The following THEMIS variants were observed in gnomAD, a reference collection of about 807,000 sequenced individuals.
THEMIS encodes thymocyte selection associated.
Under a neutral mutation model 52.6 loss-of-function variants are expected in THEMIS, and 37 were observed. The observed-to-expected ratio is 0.70, with a 90% CI of 0.54 to 0.93. THEMIS has a LOEUF of 0.93. Ranked by LOEUF, THEMIS falls within the 40% of genes least tolerant of loss-of-function variation. The probability of loss-of-function intolerance (pLI) is 0.00; values close to 1 mark genes in which losing one functional copy is unlikely to be tolerated. For missense variants in THEMIS, 808 were observed against 763.1 expected (o/e 1.06, Z -0.69); for synonymous variants, 292 against 272.7 (o/e 1.07, Z -0.70).
intron 1 of THEMIS, among the ~76,000 whole-genome samples, chr6:127,881,997 C>CAAAA (rs5879865): frequency 8.5e-6 from 1 of 118,192 alleles, no homozygotes; most frequent in Non-Finnish European, 1.9e-5. Flanking sequence ...TCTTATACAG[C>CAAAA]AAAAAAAAAA....
intron 3 of THEMIS, 73 bp from the exon 4 acceptor site, chr6:127,814,004 C>A: frequency 8.2e-7 from 1 of 1,213,888 alleles, no homozygotes; most frequent in East Asian, 2.5e-5. Flanking sequence ...TCTCCTGATG[C>A]CATAAATAAA....
At chr6:127,830,453 AG>A (rs993471832) in intron 2 of THEMIS, among the ~76,000 whole-genome samples, 2 of 152,120 alleles carry the variant, frequency 1.3e-5, no homozygotes, top group Non-Finnish European at 2.9e-5. Flanking sequence ...TGGGAGGCTG[AG>A]GTGGGAGGGT....
At chr6:127,700,372 A>G in the THEMIS span, among the ~76,000 whole-genome samples, 1 of 151,408 alleles carries the variant, frequency 6.6e-6, no homozygotes, top group African/African-American at 2.4e-5. Flanking sequence ...GAATGCACAA[A>G]AACAAAAAAA....
At chr6:127,814,207 C>A (rs985577671) in intron 3 of THEMIS, among the ~76,000 whole-genome samples, 8 of 152,208 alleles carry the variant, frequency 5.3e-5, no homozygotes, top group Non-Finnish European at 1.2e-4. Flanking sequence ...CATATCCTCA[C>A]TTCTACTGAC....
Position 127,883,555 on chromosome 6 carries a change from A to G in THEMIS, c.91+17287T>C, listed in dbSNP as rs554979942. On this transcript the variant is annotated intron_variant, in intron 1 of 5. Transcript: ENST00000368248. ...TTATGTATAGACATACACATATAAA[A>G]TATATATACAGACTCCCATACTTGG... Among the ~76,000 whole-genome samples, 8 of 152,126 alleles carry G rather than the reference A, an allele frequency of 5.3e-5. No individual in the cohort carries two copies. The South Asian group carries it at 1.7e-3, about 31-fold the overall frequency.
At chr6:127,867,982 T>C (rs1780036313) in intron 1 of THEMIS, among the ~76,000 whole-genome samples, 1 of 151,922 alleles carries the variant, frequency 6.6e-6, no homozygotes, top group Admixed American at 6.6e-5. Flanking sequence ...ATTTAACTAG[T>C]TAAAAGTCAC....
At chr6:127,814,014 A>G (rs1778041157) in intron 3 of THEMIS, 83 bp from the exon 4 acceptor site, 1 of 1,175,674 alleles carries the variant, frequency 8.5e-7, no homozygotes, top group Non-Finnish European at 1.2e-6. Context: ...CCATAAATAA[A>G]TTTCTTTTAC....
At chr6:127,788,254 C>T (rs1218380072) in intron 4 of THEMIS, among the ~76,000 whole-genome samples, 1 of 152,160 alleles carries the variant, frequency 6.6e-6, no homozygotes, top group East Asian at 1.9e-4. Context: ...ACCAAGTTTG[C>T]CAGTGGTCTT....
intron 4 of THEMIS, among the ~76,000 whole-genome samples, chr6:127,727,007 A>T (rs943043664): frequency 1.3e-5 from 2 of 152,164 alleles, no homozygotes; most frequent in Non-Finnish European, 2.9e-5. Flanking sequence ...ACTCTCAAAG[A>T]TGTCAGCCTT....
intron 1 of THEMIS, among the ~76,000 whole-genome samples, chr6:127,880,396 T>TAC (rs1780445273): frequency 6.6e-6 from 1 of 151,786 alleles, no homozygotes. Flanking sequence ...TAAATATATA[T>TAC]GCTGTGTTTA....
chr6:127,832,975 G>A (rs193287558), intron 2 of THEMIS, among the ~76,000 whole-genome samples: 60 of 151,596 alleles, frequency 4.0e-4, no homozygotes, highest in African/African-American at 1.4e-3. Context: ...ATAGAGACAG[G>A]GTTTCGCCAT....
At chr6:127,769,593 T>C (rs1441057329) in intron 4 of THEMIS, among the ~76,000 whole-genome samples, 4 of 152,020 alleles carry the variant, frequency 2.6e-5, no homozygotes, top group Admixed American at 2.6e-4. Flanking sequence ...TTCTGCTCCA[T>C]TAGACAAAGG....
At chr6:127,838,070 G>A (rs1778929567) in intron 2 of THEMIS, among the ~76,000 whole-genome samples, 1 of 152,036 alleles carries the variant, frequency 6.6e-6, no homozygotes, top group Admixed American at 6.6e-5. Context: ...TCTTTTCTCA[G>A]CACAGTACTG....
At chr6:127,785,478 T>TAA (rs71543125) in intron 4 of THEMIS, among the ~76,000 whole-genome samples, 2 of 143,632 alleles carry the variant, frequency 1.4e-5, no homozygotes, top group Non-Finnish European at 3.1e-5. Flanking sequence ...TAATAAAATT[T>TAA]AAAAAAAAAA....
At chr6:127,790,699 C>T (rs1435426410) in intron 4 of THEMIS, among the ~76,000 whole-genome samples, 1 of 152,224 alleles carries the variant, frequency 6.6e-6, no homozygotes, top group Admixed American at 6.5e-5. Context: ...GCAGCCTGAA[C>T]TCAGCTTGCG....
At chr6:127,818,543 A>G (rs1217410764) in intron 3 of THEMIS, among the ~76,000 whole-genome samples, 2 of 151,600 alleles carry the variant, frequency 1.3e-5, no homozygotes, top group African/African-American at 4.8e-5. Context: ...AAGACAATTT[A>G]TCACAGTTTA....
intron 1 of THEMIS, among the ~76,000 whole-genome samples, chr6:127,860,759 G>C (rs2114330317): frequency 6.6e-6 from 1 of 152,260 alleles, no homozygotes; most frequent in East Asian, 1.9e-4. Context: ...GTCACTCTGA[G>C]TGATGTGTAA....
At chr6:127,909,435 G>T (rs867493750) in intron 1 of THEMIS, among the ~76,000 whole-genome samples, 1 of 152,070 alleles carries the variant, frequency 6.6e-6, no homozygotes, top group African/African-American at 2.4e-5. Flanking sequence ...TTTATAAGGA[G>T]CTTCCCCCTT....
At chr6:127,726,324 A>G (rs1774546212) in intron 4 of THEMIS, among the ~76,000 whole-genome samples, 1 of 152,094 alleles carries the variant, frequency 6.6e-6, no homozygotes, top group African/African-American at 2.4e-5. Context: ...ATAAGAGAAG[A>G]CAGCACCCCA....
Sources: gnomAD v4.1 joint callset for allele counts (sites outside exome capture counted in the v4.1 genomes callset) on GRCh38, gnomAD v4.1.1 for gene constraint, MANE v1.5 for transcripts, NCBI Gene and HGNC (gene_info 2026-07-23, HGNC 2026-07-21) for gene names.